Variants in AEBP1 observed in about 807,000 individuals in gnomAD.
AEBP1 encodes AE binding protein 1.
Under a neutral mutation model 116.5 loss-of-function variants are expected in AEBP1, and 69 were observed. The observed-to-expected ratio is 0.59, with a 90% CI of 0.49 to 0.72. The LOEUF (loss-of-function observed/expected upper bound fraction) is 0.72, where lower values mean the gene tolerates loss of function less well. AEBP1 is among the 30% of genes least tolerant of loss of function. The pLI is 0.00. For missense variants in AEBP1, 1,444 were observed against 1,557.5 expected, an observed-to-expected ratio of 0.93 and a Z score of 1.23; for synonymous variants, 627 against 627.3, an observed-to-expected ratio of 1.00 and a Z score of 0.01.
chr7:44,112,720 G>C lies in AEBP1; in HGVS notation c.2380G>C (p.Gly794Arg), dbSNP rs779545560. ...LLAAAMAAAR[G>R]EDEDEVSEAQ... Reference sequence around the variant, plus strand: ...GGCCGCAGCCATGGCAGCAGCCCGGGGGGAGGATGAGGACGAGGTCTCCGA... The same window carrying C: ...GGCCGCAGCCATGGCAGCAGCCCGGCGGGAGGATGAGGACGAGGTCTCCGA... The change falls in exon 18 of 21, where the codon GGG (glycine) becomes CGG (arginine). Residue 794 changes from glycine (G) to arginine (R), a missense_variant. Gly to Arg is a moderately radical substitution (Grantham distance 125). Transcript: ENST00000223357. This position sits in a 1 kb window ranked among gnomAD's most constrained non-coding sequence, Gnocchi z 6.6. The C allele has an allele frequency of 2.2e-5, 35 of 1,613,188 alleles. No homozygotes were observed. The South Asian group carries it at 3.4e-4, about 16-fold the overall frequency.
At position 44,107,897 on chromosome 7, in the gene AEBP1, G is replaced by GAAGGCC; in HGVS notation, c.829_834dup (p.Lys277_Ala278dup). On this transcript the variant is annotated inframe_insertion, in exon 5 of 21. Coordinates refer to ENST00000223357, the MANE Select transcript of AEBP1 (RefSeq NM_001129.5). This position sits in a 1 kb window ranked among gnomAD's most constrained non-coding sequence, Gnocchi z 4.3. ...GGGTCTGGCCAGAGCCCCCTGAGGA[G>GAAGGCC]AAGGCCCCGGCCCCAGCCCCGGAGG... 1 of 1,597,262 alleles carries GAAGGCC rather than the reference G, an allele frequency of 6.3e-7. No individual in the cohort carries two copies. Among genetic ancestry groups the GAAGGCC allele is most frequent in the Non-Finnish European group, 8.5e-7 (1 of 1,172,736 alleles).
chr7:44,110,604 T>C (rs1281267235), intron 11 of AEBP1, 121 bp from the exon 12 acceptor site: 15 of 1,054,638 alleles, frequency 1.4e-5, no homozygotes, highest in Non-Finnish European at 2.1e-5. Context: ...GCTCAACACC[T>C]GGGCCGTGCA....
At position 44,107,147 on chromosome 7, in the gene AEBP1, G is replaced by C. The variant is rs1274504845; in HGVS notation, c.595+260G>C. ...TCAGGCCCCTGCCCAGATGTCCCTG[G>C]GCTCTGAGCCCATGGAGTTCCCTCC... On this transcript the variant is annotated intron_variant, in intron 2 of 20. Transcript: ENST00000223357. This position sits in a 1 kb window ranked among gnomAD's most constrained non-coding sequence, Gnocchi z 4.3. Among the ~76,000 whole-genome samples the C allele has an allele frequency of 6.6e-6, 1 of 152,194 alleles. No individual in the cohort carries two copies. Among genetic ancestry groups the C allele is most frequent in the East Asian group, 1.9e-4 (1 of 5,192 alleles).
At position 44,111,636 on chromosome 7, in the gene AEBP1, G is replaced by A. The variant is rs371344354; in HGVS notation, c.1840+6G>A. 2 of 1,611,074 alleles carry A rather than the reference G, an allele frequency of 1.2e-6. No individual in the cohort carries two copies. The highest frequency in any genetic ancestry group is 8.5e-7 in the Non-Finnish European group (1 of 1,179,242). ...CCCTGGGGAGCATGAACTGGGTGAG[G>A]GTCTGTGGGGGCCAGCAGCTGGCCT... On this transcript the variant is annotated splice_donor_region_variant and intron_variant, in intron 15 of 20. Transcript: ENST00000223357. The surrounding 1 kb of genome is among the most constrained non-coding windows in gnomAD (Gnocchi z 4.7).
At position 44,108,649 on chromosome 7, in the gene AEBP1, C is replaced by T. The variant is rs1393066005; in HGVS notation, c.941-250C>T. The stretch of plus-strand genomic sequence containing the variant: ...CTCCAGGCCTTTCCCATGCCCTGGG[C>T]CTCGAGTCCTTTCCCCAGGCCAGAT... On this transcript the variant is annotated intron_variant, in intron 6 of 20. Coordinates refer to ENST00000223357, the MANE Select transcript of AEBP1 (RefSeq NM_001129.5). This position sits in a 1 kb window ranked among gnomAD's most constrained non-coding sequence, Gnocchi z 5.0. 6.6e-6 allele frequency among the ~76,000 whole-genome samples: 1 copy of T among 152,176 alleles called. No individual in the cohort carries two copies. Among genetic ancestry groups the T allele is most frequent in the Non-Finnish European group, 1.5e-5 (1 of 68,038 alleles).
rs2128808462 is a variant in AEBP1, at chr7:44,108,830, C to T, written c.941-69C>T. 2.8e-6 allele frequency: 4 copies of T among 1,442,406 alleles called. No homozygotes were observed. The highest frequency in any genetic ancestry group is 3.8e-6 in the Non-Finnish European group (4 of 1,050,908). The allele number at this position is 1,442,406 out of a possible 1,614,324, so 89.4% of individuals were successfully genotyped here. A position where few individuals can be genotyped will look rare whatever the true frequency, so the allele number is the denominator to read the frequency against. On this transcript the variant is annotated intron_variant, in intron 6 of 20. Transcript: ENST00000223357. This position sits in a 1 kb window ranked among gnomAD's most constrained non-coding sequence, Gnocchi z 5.0. ...GGCGCGGTCCTGTCCTGCTGAGCTC[C>T]TGTGGACCCAGGAGCTGAGGCCCCG...
Position 44,112,640 on chromosome 7 carries a change from G to T in AEBP1, c.2300G>T (p.Arg767Leu). Residue 767 changes from arginine to leucine, a missense_variant, in exon 18 of 21, where the codon CGG (arginine) becomes CTG (leucine). Coordinates refer to ENST00000223357, the MANE Select transcript of AEBP1 (RefSeq NM_001129.5). This position sits in a 1 kb window ranked among gnomAD's most constrained non-coding sequence, Gnocchi z 6.6. ...VLGANLNGGE[R>L]LVSYPYDMAR... ...GGAGCAAATCTGAACGGCGGCGAGC[G>T]GCTAGTATCCTACCCCTACGATATG... 1.2e-6 allele frequency: 2 copies of T among 1,612,502 alleles called. No individual in the cohort carries two copies. Among genetic ancestry groups the T allele is most frequent in the Non-Finnish European group, 1.7e-6 (2 of 1,179,322 alleles).
Position 44,109,444 on chromosome 7 carries a change from C to T in AEBP1, c.1150+103C>T, listed in dbSNP as rs148838437. ...CAAACAGGACCCAGGTCCCCGGAAC[C>T]CTTTCCTACTCAGATTCTTGGGACC... On this transcript the variant is annotated intron_variant, in intron 9 of 20. Transcript: ENST00000223357. 4.5e-3 allele frequency: 5,822 copies of T among 1,293,630 alleles called. 25 individuals carry two copies. Among genetic ancestry groups the T allele is most frequent in the Non-Finnish European group, 5.8e-3 (5,556 of 965,948 alleles). 80.1% of individuals were successfully genotyped at this position (1,293,630 alleles called of 1,614,324 possible).
Position 44,107,775 on chromosome 7 carries a change from C to G in AEBP1, c.740-34C>G. On this transcript the variant is annotated intron_variant, in intron 4 of 20. Coordinates refer to ENST00000223357, the MANE Select transcript of AEBP1 (RefSeq NM_001129.5). This position sits in a 1 kb window ranked among gnomAD's most constrained non-coding sequence, Gnocchi z 4.3. ...GATGTGCCAATGGGCCCATCCCAGC[C>G]TTGGGCCCCACTCTGAGCCAGCCTC... The G allele has an allele frequency of 1.2e-6, 2 of 1,612,694 alleles. No homozygotes were observed. The highest frequency in any genetic ancestry group is 1.7e-6 in the Non-Finnish European group (2 of 1,179,676).
chr7:44,104,911 C>A lies in AEBP1; in HGVS notation c.246C>A (p.Ala82=), dbSNP rs771909045. The stretch of plus-strand genomic sequence containing the variant: ...AGCCAGGGAAGCGGCCAGGGACGGC[C>A]GCAGAAGGTAAGAGCCCAGGGCAGG... ...GGKPGKRPGT[A]AEVPPEKTKD... The change falls in exon 1 of 21, where the codon GCC becomes GCA. Residue 82 remains alanine, a synonymous_variant. Coordinates refer to ENST00000223357, the MANE Select transcript of AEBP1 (RefSeq NM_001129.5). 5.2e-6 allele frequency: 8 copies of A among 1,541,990 alleles called. No homozygotes were observed. The highest frequency in any genetic ancestry group is 1.4e-5 in the African/African-American group (1 of 72,650).
rs2096224049 is a variant in AEBP1, at chr7:44,107,427, C to T, written c.596-12C>T. ...CTCCCGCCCACCTGCTTCTGGAACT[C>T]CTGTGTTGCAGGGGCGCCCCTCTCA... On this transcript the variant is annotated splice_polypyrimidine_tract_variant and intron_variant, in intron 2 of 20. Coordinates refer to ENST00000223357, the MANE Select transcript of AEBP1 (RefSeq NM_001129.5). This position sits in a 1 kb window ranked among gnomAD's most constrained non-coding sequence, Gnocchi z 4.3. 6.2e-7 allele frequency: 1 copy of T among 1,613,102 alleles called. No homozygotes were observed. Among genetic ancestry groups the T allele is most frequent in the African/African-American group, 1.3e-5 (1 of 75,064 alleles).
Position 44,112,512 on chromosome 7 carries a change from G to A in AEBP1, c.2218-46G>A. The A allele has an allele frequency of 7.4e-7, 1 of 1,357,588 alleles. No homozygotes were observed. Among genetic ancestry groups the A allele is most frequent in the Non-Finnish European group, 9.5e-7 (1 of 1,047,554 alleles). The allele number at this position is 1,357,588 out of a possible 1,614,324, so 84.1% of individuals were successfully genotyped here. On this transcript the variant is annotated intron_variant, in intron 17 of 20. Coordinates refer to ENST00000223357, the MANE Select transcript of AEBP1 (RefSeq NM_001129.5). This position sits in a 1 kb window ranked among gnomAD's most constrained non-coding sequence, Gnocchi z 6.6. ...GGGTGATCGGGCTAGGTTGGGGATA[G>A]TGGCCGGAGCTGCAGCCCTGGCCTC...
Position 44,109,283 on chromosome 7 carries a change from C to T in AEBP1, c.1097-5C>T, listed in dbSNP as rs1174966707. The T allele has an allele frequency of 6.2e-7, 1 of 1,610,286 alleles. No individual in the cohort carries two copies. Among genetic ancestry groups the T allele is most frequent in the Non-Finnish European group, 8.5e-7 (1 of 1,178,334 alleles). ...GGTGCCATGTCCTCCCTTCATTGTC[C>T]CTAGAGCCCCGAAAGGGCGAGGAGT... On this transcript the variant is annotated splice_region_variant and splice_polypyrimidine_tract_variant and intron_variant, in intron 8 of 20. Transcript: ENST00000223357.
Position 44,109,176 on chromosome 7 carries a change from A to G in AEBP1, c.1088A>G (p.Asp363Gly), listed in dbSNP as rs1221972934. 8 of 1,613,744 alleles carry G rather than the reference A, an allele frequency of 5.0e-6. No individual in the cohort carries two copies. Among genetic ancestry groups the G allele is most frequent in the Non-Finnish European group, 6.8e-6 (8 of 1,179,976 alleles). The change falls in exon 8 of 21, where the codon GAC becomes GGC. Residue 363 changes from aspartate to glycine, a missense_variant. Coordinates refer to ENST00000223357, the MANE Select transcript of AEBP1 (RefSeq NM_001129.5). ...AAGTGGGCAGTGGAGAAGGGCAAGG[A>G]CCACAAAGGTGTGTGGCTGGGGCTT... ...TDKWAVEKGKDHKEPRKGEEL... is the reference protein window; with the variant it reads ...TDKWAVEKGKGHKEPRKGEEL...
Position 44,112,311 on chromosome 7 carries a change from C to G in AEBP1, c.2207C>G (p.Pro736Arg). The change falls in exon 17 of 21, where the codon CCA (proline) becomes CGA (arginine). Residue 736 changes from proline to arginine, a missense_variant. By Grantham distance (103) the Pro-to-Arg change is moderately radical (BLOSUM62 -2). Transcript: ENST00000223357. This position sits in a 1 kb window ranked among gnomAD's most constrained non-coding sequence, Gnocchi z 6.6. ...NLPIPERYLS[P>R]DATVSTEVRA... ...CCCATCCCTGAACGCTACCTTTCGC[C>G]AGATGCCACGGTGAGGCTACAGCCT... 1.9e-6 allele frequency: 3 copies of G among 1,550,066 alleles called. No homozygotes were observed. Among genetic ancestry groups the G allele is most frequent in the Non-Finnish European group, 2.6e-6 (3 of 1,145,702 alleles).
intron 7 of AEBP1, 56 bp from the exon 8 acceptor site, chr7:44,109,051 T>A (rs2096226041): frequency 6.2e-7 from 1 of 1,611,554 alleles, no homozygotes; most frequent in South Asian, 1.1e-5. Context: ...CCACCCCACA[T>A]GGTCCTCAAA....
Position 44,108,812 on chromosome 7 carries a change from T to C in AEBP1, c.941-87T>C. ...CCCGTCCTCCTCCCCTCTGGCGCGGTCCTGTCCTGCTGAGCTCCTGTGGAC... is the reference window on the plus strand; with the variant it reads ...CCCGTCCTCCTCCCCTCTGGCGCGGCCCTGTCCTGCTGAGCTCCTGTGGAC... On this transcript the variant is annotated intron_variant, in intron 6 of 20. Coordinates refer to ENST00000223357, the MANE Select transcript of AEBP1 (RefSeq NM_001129.5). The surrounding 1 kb of genome is among the most constrained non-coding windows in gnomAD (Gnocchi z 5.0). The C allele has an allele frequency of 7.8e-7, 1 of 1,289,256 alleles. No individual in the cohort carries two copies. The highest frequency in any genetic ancestry group is 1.1e-6 in the Non-Finnish European group (1 of 914,098). 79.9% of individuals were successfully genotyped at this position (1,289,256 alleles called of 1,614,324 possible). A position where few individuals can be genotyped will look rare whatever the true frequency, so the allele number is the denominator to read the frequency against.
At position 44,106,757 on chromosome 7, in the gene AEBP1, G is replaced by A. The variant is rs201151753; in HGVS notation, c.465G>A (p.Glu155=). The A allele has an allele frequency of 2.1e-4, 343 of 1,612,524 alleles. 1 individual carries two copies. In the Admixed American group the frequency reaches 5.3e-3, roughly 25 times the overall value. The change falls in exon 2 of 21, where the codon GAG becomes GAA. Residue 155 remains glutamate, a synonymous_variant. Coordinates refer to ENST00000223357, the MANE Select transcript of AEBP1 (RefSeq NM_001129.5). ...KPPKATKKPK[E]KPPKATKKPP... Reference sequence around the variant, plus strand: ...CCAAGGCCACCAAGAAGCCCAAAGAGAAGCCACCCAAGGCCACCAAGAAGC... The same window carrying A: ...CCAAGGCCACCAAGAAGCCCAAAGAAAAGCCACCCAAGGCCACCAAGAAGC...
rs780987269 is a variant in AEBP1 at position 44,106,875 on chromosome 7, C to T, written c.583C>T (p.Pro195Ser). The T allele has an allele frequency of 6.3e-7, 1 of 1,577,078 alleles. No homozygotes were observed. The highest frequency in any genetic ancestry group is 1.1e-5 in the South Asian group (1 of 87,138). The change falls in exon 2 of 21, where the codon CCC (proline) becomes TCC (serine). Residue 195 changes from proline (P) to serine (S), a missense_variant. Transcript: ENST00000223357. ...CCCCAGCCCTGGCCCCGAGGAGCTA[C>T]CCCAGGAGGGAGGTTTGTGCCGGGC... The part of the protein sequence containing the change: ...PPPSPGPEEL[P>S]QEGGAPLSNN...
Sources: gnomAD v4.1 joint callset for allele counts (sites outside exome capture counted in the v4.1 genomes callset) on GRCh38, gnomAD v4.1.1 for gene constraint, Gnocchi (gnomAD v3.1) non-coding constraint, MANE v1.5 for transcripts, NCBI Gene and HGNC (gene_info 2026-07-23, HGNC 2026-07-21) for gene names.